C18orf63: variants seen among roughly 807,000 people sequenced by gnomAD.
C18orf63 encodes the protein uncharacterized protein C18orf63.
A neutral mutation model predicts 75.3 loss-of-function variants in C18orf63; 50 were observed. The ratio of observed to expected loss-of-function variants is 0.66; its 90% CI spans 0.53 to 0.84. The LOEUF is 0.84. Among genes scored for constraint, C18orf63 ranks in the 40% least tolerant of loss-of-function variants. The pLI, the probability that C18orf63 is intolerant of heterozygous loss-of-function variation, is 0.00. For synonymous variants in C18orf63, 232 were observed against 267.6 expected (o/e 0.87, Z 1.30); for missense variants, 732 against 800.2 (o/e 0.91, Z 1.03).
chr18:74,317,460 G>A (rs756265065), intron 1 of C18orf63, among the ~76,000 whole-genome samples: 1 of 152,104 alleles, frequency 6.6e-6, no homozygotes, highest in Non-Finnish European at 1.5e-5. Context: ...AACAACAAAA[G>A]ACTTTGCTAT....
rs553582331 is a variant in C18orf63 at position 74,358,343 on chromosome 18, T to C, written c.*1896T>C. ...TTTTATCTTACAATATTTATCCTAA[T>C]GAAAGTTATAAAAATATATGCATAT... On this transcript the variant is annotated 3_prime_UTR_variant, in exon 14 of 14. Coordinates refer to ENST00000579455, the MANE Select transcript of C18orf63 (RefSeq NM_001174123.2). 15 of 152,242 alleles carry C rather than the reference T, an allele frequency of 9.9e-5. No homozygotes were observed. Among genetic ancestry groups the C allele is most frequent in the African/African-American group, 3.6e-4 (15 of 41,556 alleles). The allele number at this position is 152,242 out of a possible 1,614,324, so 9.4% of individuals were successfully genotyped here.
At chr18:74,327,883 T>C (rs903219138) in intron 4 of C18orf63, 64 bp from the exon 5 acceptor site, 2 of 939,346 alleles carry the variant, frequency 2.1e-6, no homozygotes, top group African/African-American at 3.3e-5. Context: ...TCATTTCCTA[T>C]TAGTATATGC....
chr18:74,343,662 C>T lies in C18orf63; in HGVS notation c.938C>T (p.Pro313Leu). 2 of 1,532,984 alleles carry T rather than the reference C, an allele frequency of 1.3e-6. No homozygotes were observed. Among genetic ancestry groups the T allele is most frequent in the Admixed American group, 2.0e-5 (1 of 50,714 alleles). The allele number at this position is 1,532,984 out of a possible 1,614,324, so 95.0% of individuals were successfully genotyped here. A position where few individuals can be genotyped will look rare whatever the true frequency, so the allele number is the denominator to read the frequency against. The change falls in exon 11 of 14, where the codon CCA becomes CTA. Residue 313 changes from proline (P) to leucine (L), a missense_variant. Physicochemically the swap from Pro to Leu is moderately conservative, Grantham distance 98. Transcript: ENST00000579455. ...TTTCCCATAAAGATGACAAGTAAAC[C>T]ATGCTACTACACACAAGAACTAACT... ...CGFPIKMTSK[P>L]CYYTQELTKP... is the part of the protein sequence containing the mutation.
At chr18:74,329,441 G>C (rs1406614191) in intron 6 of C18orf63, among the ~76,000 whole-genome samples, 1 of 150,820 alleles carries the variant, frequency 6.6e-6, no homozygotes, top group Non-Finnish European at 1.5e-5. Flanking sequence ...GATTAATTAG[G>C]TTGTATAAGA....
intron 8 of C18orf63, among the ~76,000 whole-genome samples, chr18:74,339,360 C>A (rs920526015): frequency 6.6e-6 from 1 of 152,044 alleles, no homozygotes; most frequent in African/African-American, 2.4e-5. Context: ...AGACTTTTCC[C>A]TAAAGTCTAA....
intron 7 of C18orf63, among the ~76,000 whole-genome samples, chr18:74,332,721 A>G (rs957158231): frequency 2.0e-5 from 3 of 149,184 alleles, no homozygotes; most frequent in African/African-American, 7.3e-5. Context: ...TAGAGGGGAA[A>G]AAAAAAAAAA....
chr18:74,342,085 CTT>C lies in C18orf63; in HGVS notation c.668_669del (p.Phe223SerfsTer17). ...TTTCATGCCATCCCCGCTGCCTGTC[CTT>C]TTCACTCATATGGAGATTTCCAGAG... On this transcript the variant is annotated frameshift_variant, in exon 9 of 14. Transcript: ENST00000579455. LOFTEE classifies it high-confidence loss of function. The C allele has an allele frequency of 6.5e-7, 1 of 1,529,208 alleles. No individual in the cohort carries two copies. Among genetic ancestry groups the C allele is most frequent in the Non-Finnish European group, 8.8e-7 (1 of 1,141,072 alleles). 94.7% of individuals were successfully genotyped at this position (1,529,208 alleles called of 1,614,324 possible). A position where few individuals can be genotyped will look rare whatever the true frequency, so the allele number is the denominator to read the frequency against.
intron 11 of C18orf63, among the ~76,000 whole-genome samples, chr18:74,352,278 A>G (rs186504673): frequency 3.9e-5 from 6 of 152,248 alleles, no homozygotes; most frequent in Admixed American, 1.3e-4. Context: ...TACAGAGTAC[A>G]AAGTTTCTGT....
intron 7 of C18orf63, 27 bp downstream of exon 7, chr18:74,330,969 T>C: frequency 1.0e-6 from 1 of 968,218 alleles, no homozygotes; most frequent in Non-Finnish European, 1.4e-6. Context: ...TTTCTATACT[T>C]TATTATATTT....
intron 2 of C18orf63, 100 bp downstream of exon 2, chr18:74,318,099 A>G (rs1984057353): frequency 1.0e-5 from 7 of 675,894 alleles, no homozygotes; most frequent in African/African-American, 1.8e-5. Flanking sequence ...CATTCACTCA[A>G]CTTGTGTTTA....
At chr18:74,320,415 C>A in intron 2 of C18orf63, 98 bp from the exon 3 acceptor site, 1 of 779,764 alleles carries the variant, frequency 1.3e-6, no homozygotes, top group Non-Finnish European at 2.0e-6. Context: ...CACCAGGTCC[C>A]TTGCCAACAC....
intron 11 of C18orf63, among the ~76,000 whole-genome samples, chr18:74,352,296 G>GA (rs201702160): frequency 6.6e-6 from 1 of 151,960 alleles, no homozygotes; most frequent in Non-Finnish European, 1.5e-5. Context: ...TGTTTGGAAT[G>GA]AAAAAAAATT....
At chr18:74,334,429 A>G in intron 7 of C18orf63, among the ~76,000 whole-genome samples, 1 of 152,154 alleles carries the variant, frequency 6.6e-6, no homozygotes, top group East Asian at 1.9e-4. Context: ...GAAAAGGGGT[A>G]GCAGAAAAGT....
rs1383544047 is a variant in C18orf63, at chr18:74,328,139, C to T, written c.382+81C>T. 3.7e-6 allele frequency: 3 copies of T among 807,644 alleles called. No homozygotes were observed. The African/African-American group carries it at 5.1e-5, about 14-fold the overall frequency. 50.0% of individuals were successfully genotyped at this position (807,644 alleles called of 1,614,324 possible). A position where few individuals can be genotyped will look rare whatever the true frequency, so the allele number is the denominator to read the frequency against. On this transcript the variant is annotated intron_variant, in intron 5 of 13. Transcript: ENST00000579455. ...TGTGTATTAGTCTATTCTCATGCTG[C>T]TAATAAAGACATACTGGAGACTGGA...
At chr18:74,346,586 G>A (rs756869957) in intron 11 of C18orf63, among the ~76,000 whole-genome samples, 1 of 152,162 alleles carries the variant, frequency 6.6e-6, no homozygotes, top group African/African-American at 2.4e-5. Flanking sequence ...ATTTTTTAAA[G>A]TTGCAGGCCA....
chr18:74,353,757 T>C lies in C18orf63; in HGVS notation c.1490T>C (p.Met497Thr). ...IKNRYSSNIQ[M>T]QAANNLNQEN... ...AACCGTTATAGTAGTAACATTCAGA[T>C]GCAGGCTGCTAACAATTTAAATCAG... is the stretch of plus-strand genomic sequence containing the variant. Residue 497 changes from methionine to threonine, a missense_variant, in exon 12 of 14, where the codon ATG becomes ACG. Met to Thr is a moderately conservative substitution (Grantham distance 81). Transcript: ENST00000579455. The C allele has an allele frequency of 6.5e-7, 1 of 1,536,066 alleles. No homozygotes were observed. The highest frequency in any genetic ancestry group is 1.4e-5 in the African/African-American group (1 of 73,136).
In C18orf63 at chr18:74,343,691, C is replaced by G. The variant is rs910953525; in HGVS notation, c.967C>G (p.Pro323Ala). Residue 323 changes from proline (P) to alanine (A), a missense_variant, in exon 11 of 14, where the codon CCT (proline) becomes GCT (alanine). By Grantham distance (27) the Pro-to-Ala change is conservative. Around this residue, in one of 3 missense-constraint regions of C18orf63, gnomAD observed 495 missense variants for 508.7 expected, o/e 0.97. Transcript: ENST00000579455. ...CTACTACACACAAGAACTAACTAAA[C>G]CTAATATACAGGTAAGAGATCTCTT... ...PCYYTQELTKPNIQEHKVKPP... is the reference protein window; with the variant it reads ...PCYYTQELTKANIQEHKVKPP... The G allele has an allele frequency of 2.6e-6, 4 of 1,516,530 alleles. No individual in the cohort carries two copies. The highest frequency in any genetic ancestry group is 1.4e-5 in the African/African-American group (1 of 72,188). The allele number at this position is 1,516,530 out of a possible 1,614,324, so 93.9% of individuals were successfully genotyped here.
At chr18:74,342,409 T>C in intron 10 of C18orf63, 83 bp downstream of exon 10, 1 of 775,828 alleles carries the variant, frequency 1.3e-6, no homozygotes, top group Non-Finnish European at 2.1e-6. Context: ...GTCATACTTT[T>C]CAACCTTCTT....
chr18:74,331,496 C>A (rs1053359781), intron 7 of C18orf63, among the ~76,000 whole-genome samples: 1 of 152,070 alleles, frequency 6.6e-6, no homozygotes, highest in Admixed American at 6.6e-5. Context: ...TCAATGGAAG[C>A]GGTTGAGGGC....
Sources: gnomAD v4.1 joint callset for allele counts (sites outside exome capture counted in the v4.1 genomes callset) on GRCh38, gnomAD v4.1.1 for gene constraint, gnomAD v4.1.1 regional missense constraint, MANE v1.5 for transcripts, NCBI Gene and HGNC (gene_info 2026-07-23, HGNC 2026-07-21) for gene names.